TRPM7: variants seen among roughly 807,000 people sequenced by gnomAD.
The protein encoded by TRPM7 is LTRPC ion channel family member 7.
Under a neutral mutation model 229.7 loss-of-function variants are expected in TRPM7, and 134 were observed. The observed-to-expected ratio is 0.58, with a 90% CI of 0.51 to 0.67. The LOEUF (loss-of-function observed/expected upper bound fraction) is 0.67. Ranked by LOEUF, TRPM7 falls within the 30% of genes least tolerant of loss-of-function variation. TRPM7 has a pLI of 0.00. For missense variants in TRPM7, 1,901 were observed against 2,210.0 expected (o/e 0.86, Z 2.80); for synonymous variants, 699 against 715.2 (o/e 0.98, Z 0.36).
rs979340363 is a variant in TRPM7 at position 50,612,790 on chromosome 15, T to C, written c.1810A>G (p.Lys604Glu). ...TCATCAATGTCTACAATTTCATCTT[T>C]GGTTCTTTTCTTCTTTCCTTCTTCC... ...VMEEGKKKRT[K>E]DEIVDIDDPE... is the part of the protein sequence containing the mutation. The change falls in exon 16 of 39, where the codon AAA becomes GAA. Residue 604 changes from lysine (K) to glutamate (E), a missense_variant. Physicochemically the swap from Lys to Glu is moderately conservative, Grantham distance 56. Transcript: ENST00000646667. 4 of 1,613,880 alleles carry C rather than the reference T, an allele frequency of 2.5e-6. No individual in the cohort carries two copies. The Admixed American group carries it at 5.0e-5, about 20-fold the overall frequency.
At chr15:50,637,693 T>A in intron 6 of TRPM7, 100 bp from the exon 7 acceptor site, 1 of 1,071,932 alleles carries the variant, frequency 9.3e-7, no homozygotes, top group South Asian at 1.8e-5. Context: ...AGAAGTAAAA[T>A]TCTATTTTAC....
chr15:50,615,633 G>A (rs1201732062), intron 13 of TRPM7, among the ~76,000 whole-genome samples: 2 of 151,422 alleles, frequency 1.3e-5, no homozygotes, highest in Non-Finnish European at 1.5e-5. Context: ...TTTTTTTAAT[G>A]TCTGTATTTT....
chr15:50,679,529 T>TATATATGTGTATATATATA (rs2062192470), intron 1 of TRPM7, among the ~76,000 whole-genome samples: 1 of 51,756 alleles, frequency 1.9e-5, no homozygotes, highest in Non-Finnish European at 3.8e-5. Context: ...TATATATATA[T>TATATATGTGTATATATATA]ATATATATAT....
intron 38 of TRPM7, among the ~76,000 whole-genome samples, chr15:50,566,633 G>A (rs2053610786): frequency 6.6e-6 from 1 of 151,972 alleles, no homozygotes; most frequent in Non-Finnish European, 1.5e-5. Flanking sequence ...GAGGTGGAGG[G>A]TGCAGTGAGC....
chr15:50,620,368 C>T (rs1215708144), intron 12 of TRPM7, among the ~76,000 whole-genome samples: 1 of 151,360 alleles, frequency 6.6e-6, no homozygotes, highest in African/African-American at 2.4e-5. Context: ...TATGTGTGGC[C>T]CAAGACAATT....
chr15:50,607,844 C>T (rs7182588), intron 19 of TRPM7, among the ~76,000 whole-genome samples: 2 of 144,274 alleles, frequency 1.4e-5, no homozygotes, highest in African/African-American at 5.2e-5. Flanking sequence ...GTCAGGGGTT[C>T]GAAACTAGCC....
chr15:50,646,308 G>A (rs983055154), intron 4 of TRPM7, among the ~76,000 whole-genome samples: 3 of 152,094 alleles, frequency 2.0e-5, no homozygotes, highest in Non-Finnish European at 2.9e-5. Flanking sequence ...TTCAGGCAAG[G>A]TCTGGCTCTG....
intron 10 of TRPM7, 41 bp downstream of exon 10, chr15:50,631,371 CATAAA>C (rs770658824): frequency 1.4e-5 from 17 of 1,216,458 alleles, no homozygotes; most frequent in East Asian, 7.0e-5. Flanking sequence ...CATATACATA[CATAAA>C]ATAAAAGGTC....
chr15:50,630,597 T>A (rs974421472), intron 10 of TRPM7, among the ~76,000 whole-genome samples: 3 of 152,220 alleles, frequency 2.0e-5, no homozygotes, highest in Non-Finnish European at 4.4e-5. Flanking sequence ...AGATGACATG[T>A]TTTAAAATCC....
At chr15:50,568,321 A>G (rs75417227) in intron 38 of TRPM7, among the ~76,000 whole-genome samples, 7 of 146,768 alleles carry the variant, frequency 4.8e-5, no homozygotes, top group Middle Eastern at 3.4e-3. Context: ...AAAAGTCAAG[A>G]AAAAAAAAAA....
Position 50,663,050 on chromosome 15 carries a change from A to C in TRPM7, c.4-4T>G. 1 of 1,609,090 alleles carries C rather than the reference A, an allele frequency of 6.2e-7. No individual in the cohort carries two copies. Among genetic ancestry groups the C allele is most frequent in the Non-Finnish European group, 8.5e-7 (1 of 1,176,028 alleles). On this transcript the variant is annotated splice_polypyrimidine_tract_variant and splice_region_variant and intron_variant, in intron 1 of 38. Coordinates refer to ENST00000646667, the MANE Select transcript of TRPM7 (RefSeq NM_017672.6). ...TTTCTATCCAGGATTTCTGGGACTA[A>C]AACAAAATGTTTTAAAGAATTGTTT...
At chr15:50,617,771 C>G (rs1301642944) in intron 13 of TRPM7, among the ~76,000 whole-genome samples, 5 of 151,994 alleles carry the variant, frequency 3.3e-5, no homozygotes, top group African/African-American at 7.3e-5. Context: ...CAGTGCCCCC[C>G]ACACCCCCAC....
intron 1 of TRPM7, among the ~76,000 whole-genome samples, chr15:50,664,940 C>T (rs2061841850): frequency 6.6e-6 from 1 of 151,962 alleles, no homozygotes; most frequent in Non-Finnish European, 1.5e-5. Context: ...AATCCAGCCT[C>T]GTTGACAGAG....
At chr15:50,589,016 A>G (rs1439464081) in intron 27 of TRPM7, among the ~76,000 whole-genome samples, 1 of 152,134 alleles carries the variant, frequency 6.6e-6, no homozygotes, top group Non-Finnish European at 1.5e-5. Context: ...TATGGGGAGA[A>G]GAAATTTTTA....
chr15:50,623,173 G>A (rs991014061), intron 12 of TRPM7, among the ~76,000 whole-genome samples: 2 of 152,038 alleles, frequency 1.3e-5, no homozygotes, highest in African/African-American at 4.8e-5. Flanking sequence ...CAGTGCTTTG[G>A]GAGGCTGAGG....
At chr15:50,633,020 G>A (rs779627218) in intron 8 of TRPM7, 28 bp from the exon 9 acceptor site, 7 of 1,564,948 alleles carry the variant, frequency 4.5e-6, no homozygotes, top group Admixed American at 2.1e-5. Context: ...ATAATTCACT[G>A]ATTTCATCTT....
At chr15:50,636,006 AAAG>A (rs1393498981) in intron 7 of TRPM7, among the ~76,000 whole-genome samples, 39 of 151,980 alleles carry the variant, frequency 2.6e-4, no homozygotes, top group Admixed American at 2.6e-3. Flanking sequence ...ATTAAAAATT[AAAG>A]AAGAAATTGA....
intron 4 of TRPM7, among the ~76,000 whole-genome samples, chr15:50,643,876 T>C (rs1445853645): frequency 2.6e-5 from 4 of 152,094 alleles, no homozygotes; most frequent in Non-Finnish European, 5.9e-5. Context: ...TCTTTAACTA[T>C]GACTACACAG....
At chr15:50,580,377 A>T (rs979285142) in intron 30 of TRPM7, among the ~76,000 whole-genome samples, 1 of 152,172 alleles carries the variant, frequency 6.6e-6, no homozygotes, top group African/African-American at 2.4e-5. Context: ...TATAGTTTCC[A>T]CTTTTGGTTT....
Sources: allele counts gnomAD v4.1 joint callset (sites outside exome capture counted in the v4.1 genomes callset), GRCh38; gene constraint gnomAD v4.1.1; transcripts MANE v1.5; gene names NCBI Gene and HGNC (gene_info 2026-07-23, HGNC 2026-07-21).